The following ST6GALNAC6 variants were observed in gnomAD, a reference collection of about 807,000 sequenced individuals.
ST6GALNAC6 encodes the protein alpha-N-acetylgalactosaminide alpha-2,6-sialyltransferase 6.
Under a neutral mutation model 34.3 loss-of-function variants are expected in ST6GALNAC6, and 19 were observed. The ratio of observed to expected loss-of-function variants is 0.55; its 90% confidence interval spans 0.39 to 0.81. The LOEUF (loss-of-function observed/expected upper bound fraction) is 0.81, where lower values mean the gene tolerates loss of function less well. Ranked by LOEUF, ST6GALNAC6 falls within the 40% of genes least tolerant of loss-of-function variation. ST6GALNAC6 has a pLI of 0.00. For missense variants in ST6GALNAC6, 377 were observed against 467.7 expected (o/e 0.81, Z 1.79); for synonymous variants, 185 against 182.1 (o/e 1.02, Z -0.13).
chr9:127,895,100 G>A (rs1038970594), intron 3 of ST6GALNAC6, among the ~76,000 whole-genome samples: 14 of 152,206 alleles, frequency 9.2e-5, no homozygotes, highest in South Asian at 2.1e-4. Flanking sequence ...TCCCCCAACA[G>A]TAACTCTCCA....
At chr9:127,889,346 CA>C (rs550479416) in intron 5 of ST6GALNAC6, among the ~76,000 whole-genome samples, 110,767 of 123,652 alleles carry the variant, frequency 0.9, 49,845 homozygotes, top group Non-Finnish European at 0.96. Context: ...GACTCCCTCT[CA>C]AAAAAAAAAA....
chr9:127,906,488 G>GTCCTCGGGCTCAGC (rs1380713189), upstream of ST6GALNAC6, among the ~76,000 whole-genome samples: 6 of 152,160 alleles, frequency 3.9e-5, no homozygotes, highest in African/African-American at 1.4e-4. Context: ...CAGGGCTCAG[G>GTCCTCGGGCTCAGC]TCCTCGGGCT....
intron 4 of ST6GALNAC6, among the ~76,000 whole-genome samples, chr9:127,892,261 T>C (rs1011509313): frequency 6.6e-6 from 1 of 152,214 alleles, no homozygotes; most frequent in Non-Finnish European, 1.5e-5. Context: ...TTCCTGTCCA[T>C]AGGCTAAGCT....
intron 5 of ST6GALNAC6, 114 bp from the exon 6 acceptor site, chr9:127,887,705 C>T (rs1829868450): frequency 5.0e-6 from 4 of 805,796 alleles, no homozygotes; most frequent in Non-Finnish European, 8.1e-6. Context: ...TCATCAGGGC[C>T]CCACTCCCAC....
chr9:127,891,105 A>G (rs1693865957), intron 4 of ST6GALNAC6, 62 bp from the exon 5 acceptor site: 8 of 1,562,918 alleles, frequency 5.1e-6, no homozygotes, highest in South Asian at 4.7e-5. Flanking sequence ...TGCTCCATAC[A>G]TCCAGGCCTC....
intron 4 of ST6GALNAC6, among the ~76,000 whole-genome samples, chr9:127,892,305 C>T (rs1486084183): frequency 6.6e-6 from 1 of 152,204 alleles, no homozygotes; most frequent in African/African-American, 2.4e-5. Flanking sequence ...TAGTTTAACT[C>T]TGAAGCAAAG....
upstream of ST6GALNAC6, among the ~76,000 whole-genome samples, chr9:127,901,058 C>A (rs1329702697): frequency 6.8e-6 from 1 of 146,298 alleles, no homozygotes; most frequent in Non-Finnish European, 1.5e-5. Context: ...TTGCATTCCA[C>A]AGCTGAGTAC....
chr9:127,896,119 G>T, intron 3 of ST6GALNAC6, 123 bp downstream of exon 3: 3 of 1,159,560 alleles, frequency 2.6e-6, no homozygotes, highest in Middle Eastern at 2.0e-4. Flanking sequence ...TCCCAGGCAT[G>T]GGCAGCTTCT....
intron 2 of ST6GALNAC6, 99 bp downstream of exon 2, chr9:127,897,857 A>G: frequency 6.3e-7 from 1 of 1,594,384 alleles, no homozygotes; most frequent in Non-Finnish European, 8.6e-7. Flanking sequence ...AGCCAGGACC[A>G]CCGTCCCCCT....
At chr9:127,903,866 C>T (rs1830842052), upstream of ST6GALNAC6, 1 of 152,250 alleles carries the variant, frequency 6.6e-6, no homozygotes, top group African/African-American at 2.4e-5. Flanking sequence ...GCCCTTCTCA[C>T]TAACCCAGGC....
At chr9:127,900,301 C>T (rs1388622192), upstream of ST6GALNAC6, among the ~76,000 whole-genome samples, 1 of 152,108 alleles carries the variant, frequency 6.6e-6, no homozygotes, top group Non-Finnish European at 1.5e-5. Context: ...TCGCTCACGC[C>T]TGTAATCTCA....
rs1830583084 is a variant in ST6GALNAC6, at chr9:127,898,116, C to T, written c.-29-106G>A. On this transcript the variant is annotated intron_variant, in intron 1 of 6. Coordinates refer to ENST00000373146, the MANE Select transcript of ST6GALNAC6 (RefSeq NM_013443.5). Reference sequence around the variant, plus strand: ...GGCTTGAAAGTGCTCCCACATTGGCCGGGCGCGGTGGCTCACGTCTGTAAT... The same window carrying T: ...GGCTTGAAAGTGCTCCCACATTGGCTGGGCGCGGTGGCTCACGTCTGTAAT... The T allele has an allele frequency of 5.8e-6, 4 of 687,510 alleles. No homozygotes were observed. The Admixed American group carries it at 6.2e-5, about 11-fold the overall frequency. 42.6% of individuals were successfully genotyped at this position (687,510 alleles called of 1,614,324 possible).
chr9:127,901,414 AC>A (rs200094744), upstream of ST6GALNAC6, among the ~76,000 whole-genome samples: 3,464 of 150,316 alleles, frequency 0.023, 41 homozygotes, highest in Middle Eastern at 0.053. Context: ...ACATGGTGAA[AC>A]CCCGTCTCTA....
chr9:127,895,112 T>G (rs1321225662), intron 3 of ST6GALNAC6, among the ~76,000 whole-genome samples: 2 of 152,200 alleles, frequency 1.3e-5, no homozygotes, highest in Admixed American at 1.3e-4. Flanking sequence ...AACTCTCCAA[T>G]GTATTGCCTC....
upstream of ST6GALNAC6, chr9:127,905,964 G>A (rs1252622476): frequency 3.0e-6 from 3 of 985,256 alleles, no homozygotes; most frequent in Non-Finnish European, 3.6e-6. Flanking sequence ...AGAGCTCCTC[G>A]CTCCGTGCTG....
Position 127,886,561 on chromosome 9 carries a change from C to T in ST6GALNAC6, c.*38G>A, listed in dbSNP as rs762942485. 5 of 1,609,030 alleles carry T rather than the reference C, an allele frequency of 3.1e-6. No homozygotes were observed. Among genetic ancestry groups the T allele is most frequent in the Non-Finnish European group, 4.2e-6 (5 of 1,177,336 alleles). ...CCTAGCGGCTGGGCGGAGGCTGCTT[C>T]TCCTCTGACCCTCCTGAGGTCCCAC... On this transcript the variant is annotated 3_prime_UTR_variant, in exon 7 of 7. Transcript: ENST00000373146.
intron 5 of ST6GALNAC6, among the ~76,000 whole-genome samples, chr9:127,887,983 T>A (rs1829886107): frequency 1.3e-5 from 2 of 152,212 alleles, no homozygotes; most frequent in South Asian, 2.1e-4. Flanking sequence ...CTGGAGTGAC[T>A]GCAGTTCAGA....
chr9:127,896,288 C>G lies in ST6GALNAC6; in HGVS notation c.71G>C (p.Arg24Pro), dbSNP rs764018000. The change falls in exon 3 of 7, where the codon CGA becomes CCA. Residue 24 changes from arginine (R) to proline (P), a missense_variant. Coordinates refer to ENST00000373146, the MANE Select transcript of ST6GALNAC6 (RefSeq NM_013443.5). ...SLPPGPPAGR[R>P]HLPLSRRRRE... ...CCGGCGTCTGCTGAGGGGTAGGTGTCGGCGTCCTGCAGGTGGCCCTGGGGG... is the reference window on the plus strand; with the variant it reads ...CCGGCGTCTGCTGAGGGGTAGGTGTGGGCGTCCTGCAGGTGGCCCTGGGGG... 2 of 1,613,908 alleles carry G rather than the reference C, an allele frequency of 1.2e-6. No individual in the cohort carries two copies. Among genetic ancestry groups the G allele is most frequent in the African/African-American group, 1.3e-5 (1 of 74,914 alleles).
In ST6GALNAC6 at chr9:127,899,500, C is replaced by T; in HGVS notation, c.-30+3G>A. The T allele has an allele frequency of 2.0e-6, 2 of 978,708 alleles. No homozygotes were observed. Among genetic ancestry groups the T allele is most frequent in the Non-Finnish European group, 2.4e-6 (2 of 825,378 alleles). The allele number at this position is 978,708 out of a possible 1,614,324, so 60.6% of individuals were successfully genotyped here. A position where few individuals can be genotyped will look rare whatever the true frequency, so the allele number is the denominator to read the frequency against. ...GGCCTGCTCCCGCGCGGCGCCTGCT[C>T]ACCTCCGGCGGGGAGCGCCCGGCCC... On this transcript the variant is annotated splice_donor_region_variant and intron_variant, in intron 1 of 6. Coordinates refer to ENST00000373146, the MANE Select transcript of ST6GALNAC6 (RefSeq NM_013443.5).
Sources: allele counts gnomAD v4.1 joint callset (sites outside exome capture counted in the v4.1 genomes callset), GRCh38; gene constraint gnomAD v4.1.1; transcripts MANE v1.5; gene names NCBI Gene and HGNC (gene_info 2026-07-23, HGNC 2026-07-21).